CCND1: variants seen among roughly 807,000 people sequenced by gnomAD.
CCND1 encodes cyclin D1.
In CCND1, 9 loss-of-function variants were observed where a neutral mutation model predicts 26.1. The observed-to-expected ratio is 0.35, with a 90% CI of 0.21 to 0.60. The LOEUF is 0.60. Among genes scored for constraint, CCND1 ranks in the 20% least tolerant of loss-of-function variants. The pLI, the probability that CCND1 is intolerant of heterozygous loss-of-function variation, is 0.79. For missense variants in CCND1, 335 were observed against 392.9 expected (o/e 0.85, Z 1.25); for synonymous variants, 194 against 166.1 (o/e 1.17, Z -1.29).
chr11:69,643,579 T>C (rs1855739889), intron 2 of CCND1: 2 of 457,360 alleles, frequency 4.4e-6, no homozygotes, highest in Non-Finnish European at 3.8e-6. Context: ...GAGGTCTTTT[T>C]GTTTCCACTT....
chr11:69,641,261 G>A lies in CCND1; in HGVS notation c.-53G>A, dbSNP rs555782155. 1 of 1,542,028 alleles carries A rather than the reference G, an allele frequency of 6.5e-7. No homozygotes were observed. Among genetic ancestry groups the A allele is most frequent in the East Asian group, 2.3e-5 (1 of 44,346 alleles). On this transcript the variant is annotated 5_prime_UTR_variant, in exon 1 of 5. Coordinates refer to ENST00000227507, the MANE Select transcript of CCND1 (RefSeq NM_053056.3). Reference sequence around the variant, plus strand: ...GGCAGCAGAAGCGAGAGCCGAGCGCGGACCCAGCCAGGACCCACAGCCCTC... The same window carrying A: ...GGCAGCAGAAGCGAGAGCCGAGCGCAGACCCAGCCAGGACCCACAGCCCTC...
intron 3 of CCND1, among the ~76,000 whole-genome samples, chr11:69,647,244 G>A (rs1214491285): frequency 6.6e-6 from 1 of 152,230 alleles, no homozygotes; most frequent in South Asian, 2.1e-4. Flanking sequence ...TAGAGGGCCC[G>A]GGTGGAGTTG....
chr11:69,646,778 C>T (rs1855787846), intron 3 of CCND1, among the ~76,000 whole-genome samples: 1 of 152,238 alleles, frequency 6.6e-6, no homozygotes, highest in Non-Finnish European at 1.5e-5. Context: ...GGCCGGCATT[C>T]CCCGCCACAA....
At chr11:69,644,209 T>C in intron 3 of CCND1, 1 of 586,412 alleles carries the variant, frequency 1.7e-6, no homozygotes, top group East Asian at 2.9e-5. Context: ...CACCATGCAG[T>C]ACCTTGGGCA....
Position 69,653,595 on chromosome 11 carries a change from CCGG to C in CCND1, c.*2315_*2317del, listed in dbSNP as rs1855883513. On this transcript the variant is annotated 3_prime_UTR_variant, in exon 5 of 5. Transcript: ENST00000227507. ...GCGATCCCACACAGGCTGGCGGGGGCCGGCCCCGAGGCCGCGTGCGTGAGAACC... is the reference window on the plus strand; with the variant it reads ...GCGATCCCACACAGGCTGGCGGGGGCCCCCGAGGCCGCGTGCGTGAGAACC... 5 of 495,966 alleles carry C rather than the reference CCGG, an allele frequency of 1.0e-5. No individual in the cohort carries two copies. The highest frequency in any genetic ancestry group is 1.8e-5 in the Non-Finnish European group (5 of 281,546). The allele number at this position is 495,966 out of a possible 1,614,324, so 30.7% of individuals were successfully genotyped here.
chr11:69,648,280 A>G, intron 4 of CCND1, 138 bp downstream of exon 4: 1 of 904,752 alleles, frequency 1.1e-6, no homozygotes, highest in South Asian at 1.7e-5. Context: ...CTCGGACCCC[A>G]GGCCACAGAC....
chr11:69,654,116 G>GCCCCCCCCCCCCCCC lies in CCND1; in HGVS notation c.*2837_*2838insCCCCCCCCCCCCCCC. 1.5e-6 allele frequency: 1 copy of GCCCCCCCCCCCCCCC among 651,642 alleles called. No homozygotes were observed. The highest frequency in any genetic ancestry group is 2.8e-6 in the Non-Finnish European group (1 of 356,920). The allele number at this position is 651,642 out of a possible 1,614,324, so 40.4% of individuals were successfully genotyped here. A position where few individuals can be genotyped will look rare whatever the true frequency, so the allele number is the denominator to read the frequency against. On this transcript the variant is annotated 3_prime_UTR_variant, in exon 5 of 5. Transcript: ENST00000227507. This position sits in a 1 kb window ranked among gnomAD's most constrained non-coding sequence, Gnocchi z 6.3. ...TGCTCGGAGGCCATCTCGGGCACAGGCCCACCCCGCCCCACCCCTCCAGAA... is the reference window on the plus strand; with the variant it reads ...TGCTCGGAGGCCATCTCGGGCACAGGCCCCCCCCCCCCCCCCCCACCCCGCCCCACCCCTCCAGAA...
At chr11:69,642,768 G>C (rs1855724492) in intron 1 of CCND1, among the ~76,000 whole-genome samples, 1 of 151,768 alleles carries the variant, frequency 6.6e-6, no homozygotes, top group Admixed American at 6.6e-5. Flanking sequence ...AGCCCGCGCC[G>C]CCGCGCACGC....
chr11:69,642,626 G>A (rs1003396141), intron 1 of CCND1, among the ~76,000 whole-genome samples: 1 of 152,024 alleles, frequency 6.6e-6, no homozygotes, highest in Non-Finnish European at 1.5e-5. Flanking sequence ...GGCCTGGGAC[G>A]CCACCTTTGT....
intron 4 of CCND1, among the ~76,000 whole-genome samples, chr11:69,648,418 A>AGGCCCCAGGC (rs1204862313): frequency 3.5e-4 from 53 of 152,328 alleles, no homozygotes; most frequent in Admixed American, 1.1e-3. Flanking sequence ...TCCGGGACGG[A>AGGCCCCAGGC]GGCCCCAGGC....
chr11:69,647,818 A>G, intron 3 of CCND1, 176 bp from the exon 4 acceptor site: 1 of 660,268 alleles, frequency 1.5e-6, no homozygotes, highest in South Asian at 2.0e-5. Context: ...TTGCTCTCCG[A>G]GTGCCCAGGG....
rs770661706 is a variant in CCND1, at chr11:69,648,091, G to C, written c.672G>C (p.Leu224=). The change falls in exon 4 of 5, where the codon CTG becomes CTC. Residue 224 remains leucine, a synonymous_variant. Transcript: ENST00000227507. ...GLNLRSPNNF[L]SYYRLTRFLS... ...ACCTGAGGAGCCCCAACAACTTCCT[G>C]TCCTACTACCGCCTCACACGCTTCC... The C allele has an allele frequency of 1.9e-6, 3 of 1,613,952 alleles. No individual in the cohort carries two copies. In the East Asian group the frequency reaches 6.7e-5, roughly 36 times the overall value.
rs1300523723 is a variant in CCND1, at chr11:69,653,939, C to G, written c.*2657C>G. On this transcript the variant is annotated 3_prime_UTR_variant, in exon 5 of 5. Coordinates refer to ENST00000227507, the MANE Select transcript of CCND1 (RefSeq NM_053056.3). ...GTTTGTTATTGTTTTGTTAATTACA[C>G]CATAATGCTAATTTAAAGAGACTCC... is the stretch of plus-strand genomic sequence containing the variant. 5.4e-6 allele frequency: 3 copies of G among 558,628 alleles called. No individual in the cohort carries two copies. The highest frequency in any genetic ancestry group is 1.9e-5 in the African/African-American group (1 of 53,338). 34.6% of individuals were successfully genotyped at this position (558,628 alleles called of 1,614,324 possible).
At position 69,651,325 on chromosome 11, in the gene CCND1, C is replaced by T. The variant is rs998406664; in HGVS notation, c.*43C>T. The stretch of plus-strand genomic sequence containing the variant: ...GCGCCACCGCCACCCGCAGCGAGGG[C>T]GGAGCCGGCCCCAGGTGCTCCCCTG... On this transcript the variant is annotated 3_prime_UTR_variant, in exon 5 of 5. Transcript: ENST00000227507. 1.1e-5 allele frequency: 16 copies of T among 1,412,124 alleles called. No homozygotes were observed. Among genetic ancestry groups the T allele is most frequent in the Middle Eastern group, 2.5e-4 (1 of 4,054 alleles). The allele number at this position is 1,412,124 out of a possible 1,614,324, so 87.5% of individuals were successfully genotyped here.
intron 1 of CCND1, 75 bp from the exon 2 acceptor site, chr11:69,642,956 C>A: frequency 8.7e-7 from 1 of 1,152,178 alleles, no homozygotes; most frequent in Non-Finnish European, 1.1e-6. Flanking sequence ...CTGCCAAGCG[C>A]GATGGGGGGT....
At position 69,651,552 on chromosome 11, in the gene CCND1, G is replaced by A. The variant is rs1228124166; in HGVS notation, c.*270G>A. The A allele has an allele frequency of 1.1e-5, 4 of 353,516 alleles. No homozygotes were observed. Among genetic ancestry groups the A allele is most frequent in the Non-Finnish European group, 2.0e-5 (4 of 197,832 alleles). The allele number at this position is 353,516 out of a possible 1,614,324, so 21.9% of individuals were successfully genotyped here. On this transcript the variant is annotated 3_prime_UTR_variant, in exon 5 of 5. Coordinates refer to ENST00000227507, the MANE Select transcript of CCND1 (RefSeq NM_053056.3). Reference sequence around the variant, plus strand: ...TAACCCTGAGCGGTGGGGGAGGAGGGTTGTGCTACAGATGATAGAGGATTT... The same window carrying A: ...TAACCCTGAGCGGTGGGGGAGGAGGATTGTGCTACAGATGATAGAGGATTT...
intron 4 of CCND1, among the ~76,000 whole-genome samples, chr11:69,650,819 G>A (rs1428856589): frequency 2.0e-5 from 3 of 152,108 alleles, no homozygotes; most frequent in Non-Finnish European, 4.4e-5. Flanking sequence ...CGGTGAAGGC[G>A]CTGTTGGACA....
Position 69,641,165 on chromosome 11 carries a change from T to A in CCND1, c.-149T>A. ...AAGTCCTGGAGCCTCCAGAGGGCTG[T>A]CGGCGCAGTAGCAGCGAGCAGCAGA... On this transcript the variant is annotated 5_prime_UTR_variant, in exon 1 of 5. Coordinates refer to ENST00000227507, the MANE Select transcript of CCND1 (RefSeq NM_053056.3). 1 of 750,138 alleles carries A rather than the reference T, an allele frequency of 1.3e-6. No homozygotes were observed. The highest frequency in any genetic ancestry group is 2.3e-6 in the Non-Finnish European group (1 of 443,694). The allele number at this position is 750,138 out of a possible 1,614,324, so 46.5% of individuals were successfully genotyped here.
chr11:69,651,771 G>T lies in CCND1; in HGVS notation c.*489G>T, dbSNP rs1934330988. On this transcript the variant is annotated 3_prime_UTR_variant, in exon 5 of 5. Coordinates refer to ENST00000227507, the MANE Select transcript of CCND1 (RefSeq NM_053056.3). ...TTTTTAAAGTAGAAGAGGGTTTTAGGTAGAAAAACATATTCTTGTGCTTTT... is the reference window on the plus strand; with the variant it reads ...TTTTTAAAGTAGAAGAGGGTTTTAGTTAGAAAAACATATTCTTGTGCTTTT... 4.3e-6 allele frequency: 1 copy of T among 233,526 alleles called. No individual in the cohort carries two copies. Among genetic ancestry groups the T allele is most frequent in the South Asian group, 1.8e-4 (1 of 5,534 alleles). 14.5% of individuals were successfully genotyped at this position (233,526 alleles called of 1,614,324 possible). A position where few individuals can be genotyped will look rare whatever the true frequency, so the allele number is the denominator to read the frequency against.
Sources: gnomAD v4.1 joint callset for allele counts (sites outside exome capture counted in the v4.1 genomes callset) on GRCh38, gnomAD v4.1.1 for gene constraint, Gnocchi (gnomAD v3.1) non-coding constraint, MANE v1.5 for transcripts, NCBI Gene and HGNC (gene_info 2026-07-23, HGNC 2026-07-21) for gene names.